Variants in CDH13 observed in about 807,000 individuals in gnomAD.
The protein encoded by CDH13 is cadherin 13.
In CDH13, 24 loss-of-function variants were observed where a neutral mutation model predicts 63.8. The observed-to-expected ratio is 0.38, with a 90% CI of 0.27 to 0.53. The LOEUF (loss-of-function observed/expected upper bound fraction) is 0.53, where lower values mean the gene tolerates loss of function less well. Ranked by LOEUF, CDH13 falls within the 20% of genes least tolerant of loss-of-function variation. The pLI, the probability that CDH13 is intolerant of heterozygous loss-of-function variation, is 0.85. For synonymous variants in CDH13, 503 were observed against 355.3 expected (o/e 1.42, Z -4.67); for missense variants, 1,049 against 903.1 (o/e 1.16, Z -2.07).
intron 5 of CDH13, among the ~76,000 whole-genome samples, chr16:83,245,389 C>T (rs1904889745): frequency 6.6e-6 from 1 of 152,210 alleles, no homozygotes; most frequent in South Asian, 2.1e-4. Flanking sequence ...ATTATCTTTT[C>T]CTTTACACTT....
At chr16:83,165,404 T>G (rs2037623126) in intron 4 of CDH13, among the ~76,000 whole-genome samples, 1 of 152,298 alleles carries the variant, frequency 6.6e-6, no homozygotes, top group African/African-American at 2.4e-5. Flanking sequence ...ACTCTTCCTT[T>G]CTAATTTGCT....
chr16:83,352,868 C>T (rs531301758), intron 6 of CDH13, among the ~76,000 whole-genome samples: 17 of 152,102 alleles, frequency 1.1e-4, no homozygotes, highest in East Asian at 7.8e-4. Flanking sequence ...CCAGCCTGGG[C>T]GATAGAGCGA....
chr16:83,176,233 T>C (rs1346414771), intron 4 of CDH13, among the ~76,000 whole-genome samples: 2 of 151,698 alleles, frequency 1.3e-5, no homozygotes, highest in Non-Finnish European at 2.9e-5. Flanking sequence ...AGATTGTGGC[T>C]ACGCTTGGTG....
chr16:83,568,023 A>G (rs1474008556), intron 7 of CDH13, among the ~76,000 whole-genome samples: 1 of 151,804 alleles, frequency 6.6e-6, no homozygotes, highest in Non-Finnish European at 1.5e-5. Context: ...TCATTACTTC[A>G]CCTCCAAACC....
In CDH13 at chr16:82,818,650, A is replaced by T. The variant is rs547674414; in HGVS notation, c.46-39712A>T. ...CCTTTTAGAGGTGCTCAAAAGGCCC[A>T]CTGTACCTTTGGCTTCATAGCTGTA... On this transcript the variant is annotated intron_variant, in intron 1 of 13. Coordinates refer to ENST00000567109, the MANE Select transcript of CDH13 (RefSeq NM_001257.5). Among the ~76,000 whole-genome samples the T allele has an allele frequency of 3.9e-5, 6 of 152,220 alleles. 1 individual carries two copies. In the East Asian group the frequency reaches 7.7e-4, roughly 20 times the overall value.
At position 83,437,690 on chromosome 16, in the gene CDH13, T is replaced by TA. The variant is rs1487627966; in HGVS notation, c.782-48779dup. On this transcript the variant is annotated intron_variant, in intron 6 of 13. Coordinates refer to ENST00000567109, the MANE Select transcript of CDH13 (RefSeq NM_001257.5). Reference sequence around the variant, plus strand: ...AGATCCTGTTCCAAAAAAATTAAATTAAAAAAAATAAAGGCTTCACATAAT... The same window carrying TA: ...AGATCCTGTTCCAAAAAAATTAAATTAAAAAAAAATAAAGGCTTCACATAAT... Among the ~76,000 whole-genome samples, 4 of 151,170 alleles carry TA rather than the reference T, an allele frequency of 2.6e-5. 1 individual carries two copies. The highest frequency in any genetic ancestry group is 2.0e-4 in the Admixed American group (3 of 15,174).
chr16:83,307,226 G>T (rs556646332), intron 5 of CDH13, among the ~76,000 whole-genome samples: 1 of 152,178 alleles, frequency 6.6e-6, no homozygotes, highest in Non-Finnish European at 1.5e-5. Context: ...CTATTCCTCT[G>T]TGGGTGATTG....
intron 2 of CDH13, among the ~76,000 whole-genome samples, chr16:83,026,138 G>T (rs1258151387): frequency 6.6e-6 from 1 of 152,214 alleles, no homozygotes; most frequent in Non-Finnish European, 1.5e-5. Context: ...TGATGTGCCA[G>T]GTCCTGAAAC....
chr16:83,286,783 T>TA (rs397754536), intron 5 of CDH13, among the ~76,000 whole-genome samples: 11 of 148,364 alleles, frequency 7.4e-5, no homozygotes, highest in Admixed American at 1.4e-4. Flanking sequence ...TATATATATA[T>TA]TTATATATAT....
chr16:83,336,682 C>A (rs980577680), intron 5 of CDH13, among the ~76,000 whole-genome samples: 1 of 152,110 alleles, frequency 6.6e-6, no homozygotes, highest in African/African-American at 2.4e-5. Context: ...GCTTTATTTG[C>A]ATATTTTGCC....
chr16:83,363,947 G>C (rs768788518), intron 6 of CDH13, among the ~76,000 whole-genome samples: 3 of 152,160 alleles, frequency 2.0e-5, no homozygotes, highest in Admixed American at 6.5e-5. Context: ...ACAGAGGGGA[G>C]TTTGTGAGCA....
intron 10 of CDH13, among the ~76,000 whole-genome samples, chr16:83,715,870 C>G (rs188038662): frequency 6.6e-6 from 1 of 152,098 alleles, no homozygotes; most frequent in Non-Finnish European, 1.5e-5. Context: ...TGAAGGAAGA[C>G]GAAATGCCTT....
intron 6 of CDH13, among the ~76,000 whole-genome samples, chr16:83,457,745 G>C (rs551362093): frequency 3.9e-5 from 6 of 152,060 alleles, no homozygotes; most frequent in South Asian, 2.1e-4. Context: ...AGGCCAGGCC[G>C]AGCCAAGCCA....
chr16:82,965,832 T>A lies in CDH13; in HGVS notation c.158-66178T>A, dbSNP rs191615987. ...TATTTTAAAAACCTGTTTTGGAGTATTAGCCCACTGGTTTACATTGTCTTC... is the reference window on the plus strand; with the variant it reads ...TATTTTAAAAACCTGTTTTGGAGTAATAGCCCACTGGTTTACATTGTCTTC... On this transcript the variant is annotated intron_variant, in intron 2 of 13. Transcript: ENST00000567109. 2.0e-5 allele frequency among the ~76,000 whole-genome samples: 3 copies of A among 152,320 alleles called. No individual in the cohort carries two copies. In the East Asian group the frequency reaches 5.8e-4, roughly 29 times the overall value.
At chr16:83,042,123 C>T (rs1917382044) in intron 3 of CDH13, among the ~76,000 whole-genome samples, 1 of 152,232 alleles carries the variant, frequency 6.6e-6, no homozygotes. Flanking sequence ...CGACACGCTG[C>T]AGACATGTGA....
chr16:82,654,372 T>G (rs1413535027), intron 1 of CDH13, among the ~76,000 whole-genome samples: 2 of 152,216 alleles, frequency 1.3e-5, no homozygotes, highest in African/African-American at 4.8e-5. Context: ...TTCTTTCCCC[T>G]TGAGTTGTTT....
intron 7 of CDH13, among the ~76,000 whole-genome samples, chr16:83,555,370 C>T (rs866063102): frequency 1.3e-5 from 2 of 152,218 alleles, no homozygotes; most frequent in African/African-American, 4.8e-5. Context: ...CTGCCCCAGG[C>T]CTGTGGAATC....
intron 4 of CDH13, among the ~76,000 whole-genome samples, chr16:83,126,340 C>T (rs1449419220): frequency 6.6e-6 from 1 of 152,178 alleles, no homozygotes; most frequent in African/African-American, 2.4e-5. Flanking sequence ...AGTTGGATTG[C>T]ACAATCTAAG....
At chr16:82,917,468 A>G (rs1048356737) in intron 2 of CDH13, among the ~76,000 whole-genome samples, 1 of 152,232 alleles carries the variant, frequency 6.6e-6, no homozygotes, top group African/African-American at 2.4e-5. Context: ...AAAACCTGAA[A>G]GATAGTTGAG....
Sources: allele counts gnomAD v4.1 joint callset (sites outside exome capture counted in the v4.1 genomes callset), GRCh38; gene constraint gnomAD v4.1.1; transcripts MANE v1.5; gene names NCBI Gene and HGNC (gene_info 2026-07-23, HGNC 2026-07-21).